Variants in DZIP1L observed in about 807,000 individuals in gnomAD.
The protein encoded by DZIP1L is cilium assembly protein DZIP1L.
Under a neutral mutation model 88.7 loss-of-function variants are expected in DZIP1L, and 90 were observed. That is an observed-to-expected ratio of 1.02 (90% CI 0.86 to 1.21). The LOEUF is 1.21. Among genes scored for constraint, DZIP1L ranks in the 50% most tolerant of loss-of-function variants. The pLI is 0.00. For missense variants in DZIP1L, 932 were observed against 955.8 expected, an observed-to-expected ratio of 0.98 and a Z score of 0.33; for synonymous variants, 363 against 372.1, an observed-to-expected ratio of 0.98 and a Z score of 0.28.
At chr3:138,102,328 C>T (rs745533834) in intron 2 of DZIP1L, 20 of 1,285,954 alleles carry the variant, frequency 1.6e-5, no homozygotes, top group Non-Finnish European at 2.3e-5. Context: ...ACATCTTTCT[C>T]GATGAAGGCA....
At position 138,080,613 on chromosome 3, in the gene DZIP1L, G is replaced by A; in HGVS notation, c.1242C>T (p.His414=). ...CTGTGTCCACAGCCTTTGGCACCTTGTGGATCCCTGAAGAGAGGAGGAACA... is the reference window on the plus strand; with the variant it reads ...CTGTGTCCACAGCCTTTGGCACCTTATGGATCCCTGAAGAGAGGAGGAACA... ...SLSLRKVEGI[H]KVPKAVDTEE... The change falls in exon 10 of 16, where the codon CAC becomes CAT. Residue 414 remains histidine (H), a synonymous_variant. Transcript: ENST00000327532. 1 of 1,613,530 alleles carries A rather than the reference G, an allele frequency of 6.2e-7. No individual in the cohort carries two copies. Among genetic ancestry groups the A allele is most frequent in the Non-Finnish European group, 8.5e-7 (1 of 1,179,780 alleles).
chr3:138,074,985 A>G (rs1250387383), intron 11 of DZIP1L, among the ~76,000 whole-genome samples: 1 of 152,212 alleles, frequency 6.6e-6, no homozygotes, highest in East Asian at 1.9e-4. Flanking sequence ...TGGATACCAA[A>G]AGCGAGCAGG....
intron 1 of DZIP1L, 106 bp from the exon 2 acceptor site, chr3:138,104,158 A>G (rs2042411392): frequency 9.6e-7 from 1 of 1,040,702 alleles, no homozygotes; most frequent in Admixed American, 2.9e-5. Context: ...GTGTCTGTGC[A>G]GCAGCTGTAG....
At chr3:138,103,295 T>C (rs973926248) in intron 2 of DZIP1L, among the ~76,000 whole-genome samples, 176 bp downstream of exon 2, 2 of 151,950 alleles carry the variant, frequency 1.3e-5, no homozygotes, top group Admixed American at 1.3e-4. Context: ...TAGAACCTAA[T>C]GAGACACCCC....
At chr3:138,065,833 G>A (rs1250388832) in intron 14 of DZIP1L, among the ~76,000 whole-genome samples, 2 of 152,250 alleles carry the variant, frequency 1.3e-5, no homozygotes, top group Non-Finnish European at 2.9e-5. Flanking sequence ...GAAGCCAGAA[G>A]CTACAGGCCT....
At chr3:138,069,924 C>T (rs1337987446) in intron 12 of DZIP1L, among the ~76,000 whole-genome samples, 1 of 152,182 alleles carries the variant, frequency 6.6e-6, no homozygotes, top group Non-Finnish European at 1.5e-5. Flanking sequence ...CAGCGCTCAT[C>T]TCACAACTCA....
Position 138,102,899 on chromosome 3 carries a change from G to A in DZIP1L, c.501+572C>T, listed in dbSNP as rs536811841. ...GAGGTGGGCACCTTGTAGGACTTCT[G>A]GGTCACCCTGATGAACATGGTGGAA... is the stretch of plus-strand genomic sequence containing the variant. On this transcript the variant is annotated intron_variant, in intron 2 of 15. Transcript: ENST00000327532. 6.6e-6 allele frequency: 4 copies of A among 608,282 alleles called. No homozygotes were observed. In the East Asian group the frequency reaches 1.2e-4, roughly 18 times the overall value. 37.7% of individuals were successfully genotyped at this position (608,282 alleles called of 1,614,324 possible).
intron 1 of DZIP1L, chr3:138,108,284 G>C (rs967292348): frequency 1.0e-6 from 1 of 966,660 alleles, no homozygotes; most frequent in African/African-American, 1.8e-5. Context: ...CAGGTTACCA[G>C]GCATGCTGTG....
At chr3:138,086,263 T>C (rs989544455) in intron 7 of DZIP1L, among the ~76,000 whole-genome samples, 1 of 141,340 alleles carries the variant, frequency 7.1e-6, no homozygotes, top group African/African-American at 2.7e-5. Context: ...ATAATAATAA[T>C]AATTAAAAAA....
Position 138,069,048 on chromosome 3 carries a change from A to C in DZIP1L, c.1616-681T>G. On this transcript the variant is annotated intron_variant, in intron 12 of 15. Coordinates refer to ENST00000327532, the MANE Select transcript of DZIP1L (RefSeq NM_173543.3). ...TCAGAAAATGTTTGAAATACAGTTG[A>C]CCCCGAAACAACGTGGGGTTGAACA... The C allele has an allele frequency of 8.2e-6, 10 of 1,218,644 alleles. No individual in the cohort carries two copies. The South Asian group carries it at 2.1e-4, about 26-fold the overall frequency. The allele number at this position is 1,218,644 out of a possible 1,614,324, so 75.5% of individuals were successfully genotyped here. A position where few individuals can be genotyped will look rare whatever the true frequency, so the allele number is the denominator to read the frequency against.
chr3:138,091,605 G>A (rs577318113), intron 5 of DZIP1L, among the ~76,000 whole-genome samples: 3 of 126,064 alleles, frequency 2.4e-5, no homozygotes, highest in East Asian at 5.7e-4. Flanking sequence ...GCGACACAGC[G>A]AGACAGTGAG....
chr3:138,086,552 C>T (rs955064064), intron 7 of DZIP1L, among the ~76,000 whole-genome samples: 1 of 152,156 alleles, frequency 6.6e-6, no homozygotes, highest in African/African-American at 2.4e-5. Flanking sequence ...TGGACTCCTG[C>T]TGAACTATCA....
At chr3:138,110,154 A>G (rs1046414615) in intron 1 of DZIP1L, among the ~76,000 whole-genome samples, 4 of 152,196 alleles carry the variant, frequency 2.6e-5, no homozygotes, top group African/African-American at 9.7e-5. Flanking sequence ...TGTTTTAGTC[A>G]TGAAGTCCTT....
intron 1 of DZIP1L, among the ~76,000 whole-genome samples, chr3:138,105,151 C>G (rs537438799): frequency 2.0e-5 from 3 of 151,972 alleles, no homozygotes; most frequent in Non-Finnish European, 4.4e-5. Context: ...ATATATACCT[C>G]TATTTCTGTT....
chr3:138,078,997 T>A (rs1943530810), intron 10 of DZIP1L, among the ~76,000 whole-genome samples: 1 of 152,126 alleles, frequency 6.6e-6, no homozygotes, highest in Non-Finnish European at 1.5e-5. Context: ...CCCTGGAGAG[T>A]GTCTGAAAAC....
chr3:138,064,423 C>T, intron 15 of DZIP1L: 2 of 1,513,076 alleles, frequency 1.3e-6, no homozygotes, highest in Non-Finnish European at 1.8e-6. Flanking sequence ...AACCAAAAGG[C>T]TTTTTAATGT....
chr3:138,094,932 C>T lies in DZIP1L; in HGVS notation c.638G>A (p.Arg213Gln), dbSNP rs761606292. 5 of 1,614,120 alleles carry T rather than the reference C, an allele frequency of 3.1e-6. No individual in the cohort carries two copies. Among genetic ancestry groups the T allele is most frequent in the Middle Eastern group, 1.6e-4 (1 of 6,084 alleles). ...CCCTTGGGTCCACTTTAGCTTGGCCCGTAGCTCTTCTAACACCTCTTCCAC... is the reference window on the plus strand; with the variant it reads ...CCCTTGGGTCCACTTTAGCTTGGCCTGTAGCTCTTCTAACACCTCTTCCAC... The part of the protein sequence containing the change: ...QPVEEVLEEL[R>Q]AKLKWTQGEL... Residue 213 changes from arginine (R) to glutamine (Q), a missense_variant, in exon 4 of 16, where the codon CGG becomes CAG. By Grantham distance (43) the Arg-to-Gln change is conservative. Coordinates refer to ENST00000327532, the MANE Select transcript of DZIP1L (RefSeq NM_173543.3).
rs780341260 is a variant in DZIP1L at position 138,092,525 on chromosome 3, T to C, written c.728A>G (p.Gln243Arg). 2 of 1,592,254 alleles carry C rather than the reference T, an allele frequency of 1.3e-6. No individual in the cohort carries two copies. The highest frequency in any genetic ancestry group is 1.7e-6 in the Non-Finnish European group (2 of 1,173,738). Reference protein sequence around the residue: ...RQLQEAELIHQREIEAKKEFD... With the variant: ...RQLQEAELIHRREIEAKKEFD... Reference sequence around the variant, plus strand: ...TTCTTTCTTAGCTTCTATTTCCCTCTGATGAATGAGCTCTGCTTCCTAAAA... The same window carrying C: ...TTCTTTCTTAGCTTCTATTTCCCTCCGATGAATGAGCTCTGCTTCCTAAAA... The change falls in exon 5 of 16, where the codon CAG becomes CGG. Residue 243 changes from glutamine to arginine, a missense_variant. Gln to Arg is a conservative substitution (Grantham distance 43). Coordinates refer to ENST00000327532, the MANE Select transcript of DZIP1L (RefSeq NM_173543.3).
Position 138,067,681 on chromosome 3 carries a change from C to T in DZIP1L, c.1852G>A (p.Glu618Lys), listed in dbSNP as rs765699862. 1 of 1,587,904 alleles carries T rather than the reference C, an allele frequency of 6.3e-7. No homozygotes were observed. Among genetic ancestry groups the T allele is most frequent in the Non-Finnish European group, 8.6e-7 (1 of 1,168,284 alleles). ...PGMSTPPFSS[E>K]EDSEGDRVQR... ...ACACGGTCTCCCTCTGAGTCCTCTT[C>T]AGAACTGAACGGGGGCGTGCTGCCA... Residue 618 changes from glutamate to lysine, a missense_variant, in exon 14 of 16, where the codon GAA becomes AAA. Glu to Lys is a moderately conservative substitution (Grantham distance 56). Coordinates refer to ENST00000327532, the MANE Select transcript of DZIP1L (RefSeq NM_173543.3).
Sources: allele counts gnomAD v4.1 joint callset (sites outside exome capture counted in the v4.1 genomes callset), GRCh38; gene constraint gnomAD v4.1.1; transcripts MANE v1.5; gene names NCBI Gene and HGNC (gene_info 2026-07-23, HGNC 2026-07-21).